Variants in PRKG1 observed in about 807,000 individuals in gnomAD.
PRKG1 encodes the protein cGMP-dependent protein kinase 1.
Under a neutral mutation model 88.1 loss-of-function variants are expected in PRKG1, and 35 were observed. The observed-to-expected ratio is 0.40, with a 90% CI of 0.30 to 0.53. The LOEUF (loss-of-function observed/expected upper bound fraction) is 0.53, where lower values mean the gene tolerates loss of function less well. Ranked by LOEUF, PRKG1 falls within the 20% of genes least tolerant of loss-of-function variation. PRKG1 has a pLI of 0.59. For synonymous variants in PRKG1, 303 were observed against 292.5 expected, an observed-to-expected ratio of 1.04 and a Z score of -0.37; for missense variants, 540 against 839.8, an observed-to-expected ratio of 0.64 and a Z score of 4.41.
chr10:52,280,769 A>T lies in PRKG1; in HGVS notation c.1404-20A>T. 2 of 1,603,380 alleles carry T rather than the reference A, an allele frequency of 1.2e-6. No homozygotes were observed. Among genetic ancestry groups the T allele is most frequent in the Middle Eastern group, 1.7e-4 (1 of 6,026 alleles). ...GAAATTAATTTTTTATACAATTTTC[A>T]TTCCATTTCTGCACCTCAGAGGTTC... On this transcript the variant is annotated intron_variant, in intron 12 of 17. Coordinates refer to ENST00000373980, the MANE Select transcript of PRKG1 (RefSeq NM_006258.4).
intron 1 of PRKG1, among the ~76,000 whole-genome samples, chr10:51,056,075 A>G (rs886570516): frequency 2.0e-5 from 3 of 152,224 alleles, no homozygotes; most frequent in African/African-American, 7.2e-5. Context: ...GAACAAAAGG[A>G]AATATCTGGA....
intron 4 of PRKG1, among the ~76,000 whole-genome samples, chr10:51,858,636 C>T (rs1840782458): frequency 6.6e-6 from 1 of 150,398 alleles, no homozygotes; most frequent in Non-Finnish European, 1.5e-5. Context: ...CTTTCACATG[C>T]CTGTACATTT....
At chr10:51,107,736 G>A (rs935846127) in intron 1 of PRKG1, among the ~76,000 whole-genome samples, 1 of 145,976 alleles carries the variant, frequency 6.9e-6, no homozygotes, top group Admixed American at 7.0e-5. Context: ...AGCTGGGAGG[G>A]TATTTTGAGC....
At chr10:52,143,790 G>T (rs959095650) in intron 8 of PRKG1, among the ~76,000 whole-genome samples, 1 of 152,126 alleles carries the variant, frequency 6.6e-6, no homozygotes, top group Admixed American at 6.5e-5. Flanking sequence ...CAGTCAACCC[G>T]ATCCACTTTT....
At chr10:52,235,477 C>G (rs896753859) in intron 9 of PRKG1, among the ~76,000 whole-genome samples, 3 of 149,188 alleles carry the variant, frequency 2.0e-5, no homozygotes, top group African/African-American at 7.4e-5. Flanking sequence ...GAAGATCTAC[C>G]AAGCAAATGG....
At chr10:51,506,579 A>G (rs964369221) in intron 3 of PRKG1, among the ~76,000 whole-genome samples, 3 of 152,230 alleles carry the variant, frequency 2.0e-5, no homozygotes, top group Non-Finnish European at 2.9e-5. Flanking sequence ...TATCAGAGAA[A>G]TGCAAATCAA....
intron 7 of PRKG1, among the ~76,000 whole-genome samples, chr10:52,070,574 C>T (rs969981065): frequency 2.0e-5 from 3 of 151,984 alleles, no homozygotes; most frequent in Admixed American, 6.6e-5. Flanking sequence ...TATTCTTTCC[C>T]CCGCTTTCTC....
chr10:51,914,753 C>T (rs1049184188), intron 5 of PRKG1, among the ~76,000 whole-genome samples: 3 of 152,144 alleles, frequency 2.0e-5, no homozygotes, highest in Non-Finnish European at 2.9e-5. Flanking sequence ...TTCATCCTAA[C>T]TTATGAGTTG....
intron 2 of PRKG1, among the ~76,000 whole-genome samples, chr10:51,162,612 G>A (rs181139613): frequency 8.5e-5 from 13 of 152,198 alleles, no homozygotes; most frequent in African/African-American, 2.9e-4. Context: ...TCTTTTATTT[G>A]TCTAATTCAT....
At chr10:51,814,838 T>A (rs973975630) in intron 4 of PRKG1, among the ~76,000 whole-genome samples, 3 of 152,158 alleles carry the variant, frequency 2.0e-5, no homozygotes, top group Non-Finnish European at 4.4e-5. Context: ...TTTTAAAAAA[T>A]TATTCATCTG....
intron 5 of PRKG1, among the ~76,000 whole-genome samples, chr10:51,986,252 T>TC (rs1237034580): frequency 1.3e-5 from 2 of 152,184 alleles, no homozygotes; most frequent in Non-Finnish European, 2.9e-5. Context: ...GAAAAGAAAG[T>TC]TTCTGAAACT....
chr10:52,051,778 T>G (rs1227265231), intron 5 of PRKG1, among the ~76,000 whole-genome samples: 2 of 152,210 alleles, frequency 1.3e-5, no homozygotes, highest in African/African-American at 4.8e-5. Context: ...GCCAGCCCTC[T>G]GTGGGAAGCT....
chr10:51,760,449 T>G (rs112955244), intron 3 of PRKG1, among the ~76,000 whole-genome samples: 3,405 of 151,594 alleles, frequency 0.022, 111 homozygotes, highest in African/African-American at 0.077. Flanking sequence ...TATTCATTTA[T>G]TAAGTCTATT....
intron 3 of PRKG1, among the ~76,000 whole-genome samples, chr10:51,786,907 T>C (rs576463626): frequency 4.6e-5 from 7 of 152,300 alleles, no homozygotes; most frequent in African/African-American, 1.7e-4. Context: ...TAGAAATATG[T>C]CCATCCTTAA....
intron 3 of PRKG1, among the ~76,000 whole-genome samples, chr10:51,640,260 T>C (rs1216569025): frequency 6.6e-6 from 1 of 152,124 alleles, no homozygotes; most frequent in African/African-American, 2.4e-5. Flanking sequence ...TATTCAGGAG[T>C]ACCTAGAACA....
At chr10:51,119,218 T>C (rs1020738992) in intron 1 of PRKG1, among the ~76,000 whole-genome samples, 4 of 152,068 alleles carry the variant, frequency 2.6e-5, no homozygotes, top group African/African-American at 9.7e-5. Context: ...ACATTATGTC[T>C]TAGGTAAAGT....
chr10:51,638,226 A>G (rs942150410), intron 3 of PRKG1, among the ~76,000 whole-genome samples: 3 of 152,156 alleles, frequency 2.0e-5, no homozygotes, highest in African/African-American at 7.2e-5. Context: ...ATTGACTAGC[A>G]GTTTTATTAT....
At chr10:51,314,141 C>T (rs1195101892) in intron 2 of PRKG1, among the ~76,000 whole-genome samples, 2 of 152,138 alleles carry the variant, frequency 1.3e-5, no homozygotes, top group Admixed American at 6.5e-5. Flanking sequence ...CATGTATGTA[C>T]ATATTTATGT....
intron 12 of PRKG1, among the ~76,000 whole-genome samples, chr10:52,274,544 C>A (rs995997493): frequency 6.6e-6 from 1 of 151,318 alleles, no homozygotes; most frequent in African/African-American, 2.4e-5. Context: ...TACACACACA[C>A]ACATGCCATC....
Sources: allele counts gnomAD v4.1 joint callset (sites outside exome capture counted in the v4.1 genomes callset), GRCh38; gene constraint gnomAD v4.1.1; transcripts MANE v1.5; gene names NCBI Gene and HGNC (gene_info 2026-07-23, HGNC 2026-07-21).